Variants in ZNF773 observed in about 807,000 individuals in gnomAD.
The protein encoded by ZNF773 is zinc finger protein 773, also known as zinc finger protein 419B.
A neutral mutation model predicts 12.8 loss-of-function variants in ZNF773; 11 were observed. That is an observed-to-expected ratio of 0.86 (90% CI 0.54 to 1.42). ZNF773 has a LOEUF of 1.42. ZNF773 is among the 40% of genes most tolerant of loss of function. The pLI is 0.00. For missense variants in ZNF773, 518 were observed against 527.2 expected, an observed-to-expected ratio of 0.98 and a Z score of 0.17; for synonymous variants, 175 against 178.4, an observed-to-expected ratio of 0.98 and a Z score of 0.15.
At chr19:57,508,831 G>A (rs570300202), downstream of ZNF773, among the ~76,000 whole-genome samples, 18 of 150,664 alleles carry the variant, frequency 1.2e-4, no homozygotes, top group Non-Finnish European at 2.5e-4. Flanking sequence ...GTATATCTTC[G>A]TTAGTCAAAT....
At chr19:57,518,107 C>G (rs970481855), downstream of ZNF773, 1 of 153,162 alleles carries the variant, frequency 6.5e-6, no homozygotes. Context: ...TCGTGACCAA[C>G]TCAGTATACC....
At chr19:57,511,497 C>CT (rs1160531300), downstream of ZNF773, among the ~76,000 whole-genome samples, 1 of 152,164 alleles carries the variant, frequency 6.6e-6, no homozygotes, top group Non-Finnish European at 1.5e-5. Context: ...TACACTCACA[C>CT]AACACTCTAT....
chr19:57,506,428 C>G lies in ZNF773; in HGVS notation c.333C>G (p.Asn111Lys). The change falls in exon 4 of 4, where the codon AAC (asparagine) becomes AAG (lysine). Residue 111 changes from asparagine to lysine, a missense_variant. Transcript: ENST00000282292. ...CTTCTGTAGAAGTGCCCAGTTCAAA[C>G]GTTCAGCAACACCAGAAGCAGCACT... ...QSASVEVPSS[N>K]VQQHQKQHCG... 6.2e-7 allele frequency: 1 copy of G among 1,614,230 alleles called. No individual in the cohort carries two copies. The highest frequency in any genetic ancestry group is 8.5e-7 in the Non-Finnish European group (1 of 1,180,050).
chr19:57,505,025 G>A (rs1460506261), intron 2 of ZNF773: 4 of 725,506 alleles, frequency 5.5e-6, no homozygotes, highest in African/African-American at 1.7e-5. Context: ...CAGCTTGATG[G>A]ATCTTATCCC....
rs749437587 is a variant in ZNF773, at chr19:57,506,511, G to A, written c.416G>A (p.Arg139Lys). 9.9e-6 allele frequency: 16 copies of A among 1,614,084 alleles called. No individual in the cohort carries two copies. Among genetic ancestry groups the A allele is most frequent in the East Asian group, 6.7e-5 (3 of 44,902 alleles). ...EGRVPVLRSC[R>K]VHLSEKSLQS... ...AGGGTCCCAGTTTTGAGGAGTTGCA[G>A]AGTCCACCTATCAGAGAAGTCCTTG... is the stretch of plus-strand genomic sequence containing the variant. The change falls in exon 4 of 4, where the codon AGA (arginine) becomes AAA (lysine). Residue 139 changes from arginine to lysine, a missense_variant. Coordinates refer to ENST00000282292, the MANE Select transcript of ZNF773 (RefSeq NM_198542.3).
rs769591499 is a variant in ZNF773, at chr19:57,506,691, C to G, written c.596C>G (p.Ala199Gly). Residue 199 changes from alanine to glycine, a missense_variant, in exon 4 of 4, where the codon GCC becomes GGC. Ala to Gly is a moderately conservative substitution (Grantham distance 60). Coordinates refer to ENST00000282292, the MANE Select transcript of ZNF773 (RefSeq NM_198542.3). ...TACAAATGCAGTGAATGTGGGAAAG[C>G]CTTTGGTCAGAAATATTTACTTGTT... ...RHYKCSECGK[A>G]FGQKYLLVQH... 3 of 1,614,070 alleles carry G rather than the reference C, an allele frequency of 1.9e-6. No homozygotes were observed. The highest frequency in any genetic ancestry group is 2.2e-5 in the East Asian group (1 of 44,898).
chr19:57,505,344 C>G lies in ZNF773; in HGVS notation c.206C>G (p.Ser69Ter). 1 of 1,614,094 alleles carries G rather than the reference C, an allele frequency of 6.2e-7. No individual in the cohort carries two copies. Among genetic ancestry groups the G allele is most frequent in the Non-Finnish European group, 8.5e-7 (1 of 1,180,014 alleles). Residue 69 changes from serine (S) to a stop codon, truncating the protein, a stop_gained, in exon 3 of 4, where the codon TCA becomes TGA. Transcript: ENST00000282292. LOFTEE classifies it high-confidence loss of function. Reference protein sequence around the residue: ...SKTHEITQLESWEEPFMPAWE... With the variant: ...SKTHEITQLE ...ACCCATGAAATAACCCAGCTGGAGT[C>G]ATGGGAGGAGCCCTTCATGCCTGCT...
chr19:57,505,709 G>GT (rs1210821039), intron 3 of ZNF773, among the ~76,000 whole-genome samples: 1 of 98,956 alleles, frequency 1.0e-5, no homozygotes, highest in Admixed American at 1.2e-4. Context: ...TTTCATTCCA[G>GT]TTGTTTTTTT....
chr19:57,506,035 T>C (rs534015080), intron 3 of ZNF773, among the ~76,000 whole-genome samples: 46 of 152,224 alleles, frequency 3.0e-4, no homozygotes, highest in Non-Finnish European at 5.7e-4. Flanking sequence ...TGGACCTGGA[T>C]ATAACCTTCT....
chr19:57,502,892 C>T (rs768072576), intron 1 of ZNF773, among the ~76,000 whole-genome samples: 21 of 151,936 alleles, frequency 1.4e-4, no homozygotes, highest in South Asian at 8.3e-4. Context: ...GGGGTTTCAC[C>T]GTGTTAGCCA....
At position 57,506,770 on chromosome 19, in the gene ZNF773, G is replaced by A. The variant is rs1367687627; in HGVS notation, c.675G>A (p.Gly225=). 3 of 1,614,124 alleles carry A rather than the reference G, an allele frequency of 1.9e-6. No homozygotes were observed. The highest frequency in any genetic ancestry group is 2.5e-6 in the Non-Finnish European group (3 of 1,180,028). ...AGCCTTATGAATGCAGTGAATGTGG[G>A]AAGTTATTTAGCCATAAGTCCAACC... The part of the protein sequence containing the change: ...GEKPYECSEC[G]KLFSHKSNLF... Residue 225 remains glycine, a synonymous_variant, in exon 4 of 4, where the codon GGG becomes GGA. Transcript: ENST00000282292.
At position 57,506,785 on chromosome 19, in the gene ZNF773, T is replaced by G. The variant is rs1340236530; in HGVS notation, c.690T>G (p.His230Gln). The G allele has an allele frequency of 1.2e-6, 2 of 1,614,112 alleles. No homozygotes were observed. Among genetic ancestry groups the G allele is most frequent in the Non-Finnish European group, 1.7e-6 (2 of 1,180,006 alleles). Reference protein sequence around the residue: ...ECSECGKLFSHKSNLFIHQIV... With the variant: ...ECSECGKLFSQKSNLFIHQIV... ...GTGAATGTGGGAAGTTATTTAGCCA[T>G]AAGTCCAACCTTTTTATACACCAAA... Residue 230 changes from histidine (H) to glutamine (Q), a missense_variant, in exon 4 of 4, where the codon CAT becomes CAG. Transcript: ENST00000282292.
In ZNF773 at chr19:57,506,412, A is replaced by G; in HGVS notation, c.317A>G (p.Glu106Gly). 2 of 1,614,196 alleles carry G rather than the reference A, an allele frequency of 1.2e-6. No homozygotes were observed. The highest frequency in any genetic ancestry group is 2.2e-5 in the East Asian group (1 of 44,882). ...EAAAEQSASV[E>G]VPSSNVQQHQ... The stretch of plus-strand genomic sequence containing the variant: ...GCTGCTGAGCAGAGTGCTTCTGTAG[A>G]AGTGCCCAGTTCAAACGTTCAGCAA... Residue 106 changes from glutamate (E) to glycine (G), a missense_variant, in exon 4 of 4, where the codon GAA (glutamate) becomes GGA (glycine). Physicochemically the swap from Glu to Gly is moderately conservative, Grantham distance 98. Coordinates refer to ENST00000282292, the MANE Select transcript of ZNF773 (RefSeq NM_198542.3).
chr19:57,512,966 C>A, downstream of ZNF773: 1 of 1,487,732 alleles, frequency 6.7e-7, no homozygotes, highest in South Asian at 1.4e-5. Flanking sequence ...CCTCTGACCC[C>A]TTCTTTAAAA....
downstream of ZNF773, among the ~76,000 whole-genome samples, chr19:57,512,334 A>G (rs1433117289): frequency 1.3e-5 from 2 of 152,162 alleles, no homozygotes; most frequent in Non-Finnish European, 2.9e-5. Context: ...AAATTAGTCA[A>G]GAGTCACATA....
chr19:57,506,078 C>T (rs934469764), intron 3 of ZNF773, among the ~76,000 whole-genome samples: 50 of 152,148 alleles, frequency 3.3e-4, no homozygotes, highest in African/African-American at 1.1e-3. Context: ...GCAGCCAAAA[C>T]CCTGTGGAAA....
chr19:57,517,804 A>G (rs974232614), downstream of ZNF773: 11 of 152,262 alleles, frequency 7.2e-5, no homozygotes, highest in Non-Finnish European at 1.2e-4. Context: ...TTCACAAAGT[A>G]AAATCCTTAA....
chr19:57,503,206 A>T (rs945134829), intron 1 of ZNF773, among the ~76,000 whole-genome samples: 50 of 152,208 alleles, frequency 3.3e-4, no homozygotes, highest in African/African-American at 1.2e-3. Context: ...TTGGAAACCC[A>T]CATGATACAG....
Position 57,499,967 on chromosome 19 carries a change from G to C in ZNF773, c.-114G>C. The C allele has an allele frequency of 7.2e-7, 1 of 1,383,090 alleles. No homozygotes were observed. Among genetic ancestry groups the C allele is most frequent in the Non-Finnish European group, 9.7e-7 (1 of 1,032,444 alleles). 85.7% of individuals were successfully genotyped at this position (1,383,090 alleles called of 1,614,324 possible). On this transcript the variant is annotated 5_prime_UTR_variant, in exon 1 of 4. Coordinates refer to ENST00000282292, the MANE Select transcript of ZNF773 (RefSeq NM_198542.3). ...GCTGCGGCGACCAGCTCCGGAAAGC[G>C]CGGTGGGGACGCGCTGTGTTCTCGC...
Sources: gnomAD v4.1 joint callset for allele counts (sites outside exome capture counted in the v4.1 genomes callset) on GRCh38, gnomAD v4.1.1 for gene constraint, MANE v1.5 for transcripts, NCBI Gene and HGNC (gene_info 2026-07-23, HGNC 2026-07-21) for gene names.